Variants in GID4 observed in about 807,000 individuals in gnomAD.
GID4 encodes the protein GID complex subunit 4 homolog, also known as glucose-induced degradation protein 4 homolog.
GID4 carries 7 observed loss-of-function variants against 32.4 expected under a neutral mutation model. That is an observed-to-expected ratio of 0.22 (90% confidence interval 0.12 to 0.41). The LOEUF is 0.41. GID4 is among the 10% of genes least tolerant of loss of function. GID4 has a pLI of 1.00. For synonymous variants in GID4, 166 were observed against 170.0 expected, an observed-to-expected ratio of 0.98 and a Z score of 0.18; for missense variants, 309 against 400.0, an observed-to-expected ratio of 0.77 and a Z score of 1.94.
chr17:18,064,463 T>C (rs181227508), intron 5 of GID4, among the ~76,000 whole-genome samples: 86 of 152,284 alleles, frequency 5.6e-4, no homozygotes, highest in Non-Finnish European at 1.0e-4. Context: ...ATAAGCCGCT[T>C]TTTCCTACGT....
At chr17:18,042,962 T>C (rs2044816880) in intron 1 of GID4, among the ~76,000 whole-genome samples, 1 of 152,232 alleles carries the variant, frequency 6.6e-6, no homozygotes, top group African/African-American at 2.4e-5. Flanking sequence ...GTGATTCTAG[T>C]GTAAAGAGTT....
chr17:18,060,151 G>C (rs1213040017), intron 4 of GID4, among the ~76,000 whole-genome samples: 1 of 149,750 alleles, frequency 6.7e-6, no homozygotes, highest in Non-Finnish European at 1.5e-5. Flanking sequence ...TGTAATCCCA[G>C]CACTTTGGGA....
At chr17:18,042,136 GTTTGT>G (rs2044809019) in intron 1 of GID4, among the ~76,000 whole-genome samples, 2 of 152,194 alleles carry the variant, frequency 1.3e-5, no homozygotes, top group South Asian at 2.1e-4. Context: ...GCTTCTTTTT[GTTTGT>G]TTTGTTTTGT....
chr17:18,047,941 C>T (rs2044870689), intron 2 of GID4, among the ~76,000 whole-genome samples: 1 of 151,648 alleles, frequency 6.6e-6, no homozygotes, highest in Non-Finnish European at 1.5e-5. Flanking sequence ...CGCTCAGTCA[C>T]CCAGGCTGGA....
chr17:18,052,641 G>A (rs2044923587), intron 2 of GID4, among the ~76,000 whole-genome samples: 1 of 152,136 alleles, frequency 6.6e-6, no homozygotes, highest in African/African-American at 2.4e-5. Context: ...TTCTACAAAT[G>A]CAGAGAAATG....
chr17:18,044,904 A>AGTATGATGATGGGGCAATTCACATGC (rs1356108560), intron 1 of GID4, among the ~76,000 whole-genome samples: 1 of 152,182 alleles, frequency 6.6e-6, no homozygotes. Context: ...TTTCAGAAAG[A>AGTATGATGATGGGGCAATTCACATGC]CACTTCAGTC....
chr17:18,063,797 C>G (rs1260995472), intron 5 of GID4, among the ~76,000 whole-genome samples: 9 of 152,156 alleles, frequency 5.9e-5, no homozygotes, highest in Non-Finnish European at 7.3e-5. Flanking sequence ...GGCTGGAGTT[C>G]AGTGGCACGA....
At chr17:18,059,188 C>T (rs181209378) in intron 4 of GID4, among the ~76,000 whole-genome samples, 1 of 152,308 alleles carries the variant, frequency 6.6e-6, no homozygotes, top group Admixed American at 6.5e-5. Context: ...AGCTCCTCCT[C>T]GCTGTGCTTT....
At chr17:18,042,342 T>C (rs2044811082) in intron 1 of GID4, among the ~76,000 whole-genome samples, 1 of 152,222 alleles carries the variant, frequency 6.6e-6, no homozygotes. Context: ...CCTAGGCAAC[T>C]GCTCATCTAT....
intron 2 of GID4, among the ~76,000 whole-genome samples, chr17:18,048,648 AT>A (rs888082851): frequency 6.6e-6 from 1 of 150,546 alleles, no homozygotes; most frequent in African/African-American, 2.4e-5. Flanking sequence ...TTTTATTTTT[AT>A]TTTTTGTTTT....
In GID4 at chr17:18,067,716, T is replaced by A. The variant is rs888509639; in HGVS notation, c.*2473T>A. The A allele has an allele frequency of 6.6e-6, 1 of 152,650 alleles. No individual in the cohort carries two copies. The highest frequency in any genetic ancestry group is 1.5e-5 in the Non-Finnish European group (1 of 68,034). The allele number at this position is 152,650 out of a possible 1,614,324, so 9.5% of individuals were successfully genotyped here. A position where few individuals can be genotyped will look rare whatever the true frequency, so the allele number is the denominator to read the frequency against. ...TGGTTTACATGCCTCTGAAACTATGTGCAATATTTTTGGTTGACACTTGTA... is the reference window on the plus strand; with the variant it reads ...TGGTTTACATGCCTCTGAAACTATGAGCAATATTTTTGGTTGACACTTGTA... On this transcript the variant is annotated 3_prime_UTR_variant, in exon 6 of 6. Coordinates refer to ENST00000268719, the MANE Select transcript of GID4 (RefSeq NM_024052.5).
At chr17:18,055,112 A>C (rs567770889) in intron 3 of GID4, among the ~76,000 whole-genome samples, 1 of 151,002 alleles carries the variant, frequency 6.6e-6, no homozygotes, top group Non-Finnish European at 1.5e-5. Flanking sequence ...CGGAGCTTGC[A>C]GTGAGCCGAG....
chr17:18,045,373 C>G lies in GID4; in HGVS notation c.498+167C>G, dbSNP rs533026205. Among the ~76,000 whole-genome samples, 3 of 152,232 alleles carry G rather than the reference C, an allele frequency of 2.0e-5. No homozygotes were observed. The South Asian group carries it at 6.2e-4, about 32-fold the overall frequency. ...CATAAAACAGGCAGTTTCAGTGTGT[C>G]CTGTTGAGAAGTGTACAGATTCACA... On this transcript the variant is annotated intron_variant, in intron 2 of 5. Transcript: ENST00000268719.
chr17:18,039,701 G>A lies in GID4; in HGVS notation c.237G>A (p.Pro79=), dbSNP rs566501754. ...VPLPLPPALA[P]GDPAMPVRTE... ...TCCCACTCCCCCCAGCCCTGGCTCC[G>A]GGGGACCCCGCGATGCCGGTCCGCA... Residue 79 remains proline, a synonymous_variant, in exon 1 of 6, where the codon CCG becomes CCA. Transcript: ENST00000268719. The surrounding 1 kb of genome is among the most constrained non-coding windows in gnomAD (Gnocchi z 5.3). 39 of 1,458,798 alleles carry A rather than the reference G, an allele frequency of 2.7e-5. No individual in the cohort carries two copies. The South Asian group carries it at 4.4e-4, about 16-fold the overall frequency. 90.4% of individuals were successfully genotyped at this position (1,458,798 alleles called of 1,614,324 possible).
intron 2 of GID4, among the ~76,000 whole-genome samples, chr17:18,048,922 C>T (rs923581100): frequency 1.3e-5 from 2 of 151,986 alleles, no homozygotes; most frequent in African/African-American, 4.8e-5. Context: ...GGACTACAAG[C>T]ATGAGCCACC....
intron 5 of GID4, among the ~76,000 whole-genome samples, chr17:18,064,738 T>A (rs2045045586): frequency 6.6e-6 from 1 of 152,146 alleles, no homozygotes; most frequent in Non-Finnish European, 1.5e-5. Flanking sequence ...TGAAATGAAT[T>A]TTTCTACGCT....
rs2045070876 is a variant in GID4 at position 18,067,092 on chromosome 17, C to T, written c.*1849C>T. 6.6e-6 allele frequency: 1 copy of T among 152,280 alleles called. No homozygotes were observed. The highest frequency in any genetic ancestry group is 2.1e-4 in the South Asian group (1 of 4,838). 9.4% of individuals were successfully genotyped at this position (152,280 alleles called of 1,614,324 possible). ...AGCTGCTGTCATGTGAGGAGATGCT[C>T]ACTGTGGTCTTGTTGAGCTGATGGC... On this transcript the variant is annotated 3_prime_UTR_variant, in exon 6 of 6. Transcript: ENST00000268719.
chr17:18,064,807 A>G (rs1037747572), intron 5 of GID4, among the ~76,000 whole-genome samples: 4 of 152,236 alleles, frequency 2.6e-5, no homozygotes, highest in African/African-American at 4.8e-5. Context: ...TTCTTAGGAT[A>G]TGAGAGCCTG....
chr17:18,040,169 C>T (rs982947644), intron 1 of GID4, among the ~76,000 whole-genome samples: 1 of 152,188 alleles, frequency 6.6e-6, no homozygotes, highest in Non-Finnish European at 1.5e-5. Context: ...GTGACCGGCC[C>T]GTCTGGGATC....
Sources: gnomAD v4.1 joint callset for allele counts (sites outside exome capture counted in the v4.1 genomes callset) on GRCh38, gnomAD v4.1.1 for gene constraint, Gnocchi (gnomAD v3.1) non-coding constraint, MANE v1.5 for transcripts, NCBI Gene and HGNC (gene_info 2026-07-23, HGNC 2026-07-21) for gene names.